The following CACNG2 variants were observed in gnomAD, a reference collection of about 807,000 sequenced individuals.
The protein encoded by CACNG2 is voltage-dependent calcium channel gamma-2 subunit.
CACNG2 carries 3 observed loss-of-function variants against 25.9 expected under a neutral mutation model. That is an observed-to-expected ratio of 0.12 (90% CI 0.05 to 0.30). The LOEUF is 0.30. Ranked by LOEUF, CACNG2 falls within the 10% of genes least tolerant of loss-of-function variation. The pLI is 1.00. For synonymous variants in CACNG2, 167 were observed against 173.3 expected, an observed-to-expected ratio of 0.96 and a Z score of 0.29; for missense variants, 341 against 432.5, an observed-to-expected ratio of 0.79 and a Z score of 1.88.
chr22:36,644,972 T>C (rs1749306856), intron 1 of CACNG2, among the ~76,000 whole-genome samples: 1 of 152,236 alleles, frequency 6.6e-6, no homozygotes, highest in South Asian at 2.1e-4. Flanking sequence ...GAAAACAGTA[T>C]GTTACTTTCA....
At chr22:36,626,792 G>T (rs1367318752) in intron 1 of CACNG2, among the ~76,000 whole-genome samples, 2 of 152,244 alleles carry the variant, frequency 1.3e-5, no homozygotes, top group African/African-American at 4.8e-5. Flanking sequence ...TACATAGGGA[G>T]ATCTTGGCCT....
At position 36,663,165 on chromosome 22, in the gene CACNG2, G is replaced by A. The variant is rs188866118; in HGVS notation, c.211+39201C>T. 3.0e-3 allele frequency among the ~76,000 whole-genome samples: 461 copies of A among 152,212 alleles called. 1 individual carries two copies. Among genetic ancestry groups the A allele is most frequent in the Admixed American group, 5.1e-3 (78 of 15,276 alleles). On this transcript the variant is annotated intron_variant, in intron 1 of 3. Coordinates refer to ENST00000300105, the MANE Select transcript of CACNG2 (RefSeq NM_006078.5). ...TTGAGAGGAGACCCTTGCCCAAGTC[G>A]GTCTACGGGTGGGTGCCTGGTCCGG...
At chr22:36,570,987 C>T (rs976697500) in intron 2 of CACNG2, among the ~76,000 whole-genome samples, 1 of 152,122 alleles carries the variant, frequency 6.6e-6, no homozygotes, top group African/African-American at 2.4e-5. Flanking sequence ...TTTGAATCCT[C>T]GCTTTGTCAG....
chr22:36,660,395 CAT>C (rs966437774), intron 1 of CACNG2, among the ~76,000 whole-genome samples: 4 of 152,392 alleles, frequency 2.6e-5, no homozygotes, highest in African/African-American at 9.6e-5. Flanking sequence ...CGCGCACAGG[CAT>C]ATGTCACATT....
chr22:36,689,347 G>A (rs1265214592), intron 1 of CACNG2, among the ~76,000 whole-genome samples: 3 of 152,084 alleles, frequency 2.0e-5, no homozygotes, highest in Non-Finnish European at 4.4e-5. Flanking sequence ...ATTCCAATTA[G>A]AAATAATACA....
At chr22:36,583,291 GAT>G (rs1935449751) in intron 2 of CACNG2, among the ~76,000 whole-genome samples, 1 of 152,058 alleles carries the variant, frequency 6.6e-6, no homozygotes, top group African/African-American at 2.4e-5. Flanking sequence ...AAATTAGCCA[GAT>G]GTGGTGGCGG....
Position 36,566,094 on chromosome 22 carries a change from A to T in CACNG2, c.436+259T>A, listed in dbSNP as rs141583849. Among the ~76,000 whole-genome samples, 381 of 152,342 alleles carry T rather than the reference A, an allele frequency of 2.5e-3. 1 individual carries two copies. The highest frequency in any genetic ancestry group is 8.4e-3 in the African/African-American group (348 of 41,584). The stretch of plus-strand genomic sequence containing the variant: ...CAATTGGCCAAGTACCCTGAGAGGA[A>T]GCGGGCATTTGGGCCTTTTCTCAAG... On this transcript the variant is annotated intron_variant, in intron 3 of 3. Coordinates refer to ENST00000300105, the MANE Select transcript of CACNG2 (RefSeq NM_006078.5).
At chr22:36,570,997 G>A (rs1935215835) in intron 2 of CACNG2, among the ~76,000 whole-genome samples, 4 of 152,150 alleles carry the variant, frequency 2.6e-5, no homozygotes, top group Admixed American at 2.6e-4. Flanking sequence ...CGCTTTGTCA[G>A]TTATCAACAG....
chr22:36,570,178 G>A (rs190037493), intron 2 of CACNG2, among the ~76,000 whole-genome samples: 2 of 152,240 alleles, frequency 1.3e-5, no homozygotes, highest in African/African-American at 4.8e-5. Flanking sequence ...CCAGCAGGGG[G>A]AGGGAGCGTC....
intron 1 of CACNG2, among the ~76,000 whole-genome samples, chr22:36,642,902 T>G (rs943257786): frequency 6.6e-6 from 1 of 152,174 alleles, no homozygotes; most frequent in African/African-American, 2.4e-5. Flanking sequence ...ATGTGACAAG[T>G]AAGAAGGGGT....
intron 1 of CACNG2, among the ~76,000 whole-genome samples, chr22:36,698,025 C>A (rs6000388): frequency 6.6e-6 from 1 of 151,992 alleles, no homozygotes; most frequent in African/African-American, 2.4e-5. Context: ...TGACTGACTC[C>A]TTTTGAATTC....
chr22:36,684,632 C>A (rs75562180), intron 1 of CACNG2, among the ~76,000 whole-genome samples: 107 of 121,100 alleles, frequency 8.8e-4, no homozygotes, highest in East Asian at 2.2e-3. Context: ...AAAAAAAAAA[C>A]AAAGTAAAAA....
chr22:36,609,574 C>T (rs1935898301), intron 1 of CACNG2, among the ~76,000 whole-genome samples: 1 of 126,388 alleles, frequency 7.9e-6, no homozygotes, highest in Non-Finnish European at 1.7e-5. Flanking sequence ...ATCAGCCCCC[C>T]AGAGCGTGAT....
chr22:36,633,970 C>T (rs542784462), intron 1 of CACNG2, among the ~76,000 whole-genome samples: 2 of 152,238 alleles, frequency 1.3e-5, no homozygotes, highest in South Asian at 4.2e-4. Context: ...AGCTCAGAGG[C>T]CACCCCAGAA....
rs1936906385 is a variant in CACNG2 at position 36,668,584 on chromosome 22, G to T, written c.211+33782C>A. Among the ~76,000 whole-genome samples, 4 of 152,044 alleles carry T rather than the reference G, an allele frequency of 2.6e-5. No homozygotes were observed. In the South Asian group the frequency reaches 6.2e-4, roughly 24 times the overall value. ...ACTCATTGCAGCTTCAACCCCTGGG[G>T]CTCAAGCAATCCTCTTGCCTCAGCC... On this transcript the variant is annotated intron_variant, in intron 1 of 3. Coordinates refer to ENST00000300105, the MANE Select transcript of CACNG2 (RefSeq NM_006078.5).
rs369362268 is a variant in CACNG2, at chr22:36,672,284, G to T, written c.211+30082C>A. Among the ~76,000 whole-genome samples, 22 of 152,090 alleles carry T rather than the reference G, an allele frequency of 1.4e-4. 1 individual carries two copies. In the East Asian group the frequency reaches 2.1e-3, roughly 15 times the overall value. ...CGATCTTCCCACCTCAGCCCTTCAA[G>T]TAGCTGGAGCTACAGGTGCACACCA... On this transcript the variant is annotated intron_variant, in intron 1 of 3. Coordinates refer to ENST00000300105, the MANE Select transcript of CACNG2 (RefSeq NM_006078.5).
intron 1 of CACNG2, among the ~76,000 whole-genome samples, chr22:36,660,405 A>T (rs974690745): frequency 6.6e-6 from 1 of 152,222 alleles, no homozygotes; most frequent in Admixed American, 6.5e-5. Context: ...CATATGTCAC[A>T]TTTCAGCATT....
At chr22:36,615,406 T>G (rs1234922465) in intron 1 of CACNG2, among the ~76,000 whole-genome samples, 1 of 152,190 alleles carries the variant, frequency 6.6e-6, no homozygotes, top group Admixed American at 6.5e-5. Context: ...ATCTGACTGC[T>G]CAGCCACACT....
intron 1 of CACNG2, among the ~76,000 whole-genome samples, chr22:36,597,294 G>T (rs1935692514): frequency 6.6e-6 from 1 of 152,216 alleles, no homozygotes; most frequent in African/African-American, 2.4e-5. Flanking sequence ...AAAGTGCTGG[G>T]ATTACAGGCA....
Sources: gnomAD v4.1 joint callset for allele counts (sites outside exome capture counted in the v4.1 genomes callset) on GRCh38, gnomAD v4.1.1 for gene constraint, MANE v1.5 for transcripts, NCBI Gene and HGNC (gene_info 2026-07-23, HGNC 2026-07-21) for gene names.